The following ABCG1 variants were observed in gnomAD, a reference collection of about 807,000 sequenced individuals.
ABCG1 encodes the protein ATP binding cassette subfamily G member 1.
Under a neutral mutation model 69.2 loss-of-function variants are expected in ABCG1, and 29 were observed. The ratio of observed to expected loss-of-function variants is 0.42; its 90% CI spans 0.31 to 0.57. ABCG1 has a LOEUF of 0.57. ABCG1 is among the 20% of genes least tolerant of loss of function. The pLI is 0.15. For synonymous variants in ABCG1, 370 were observed against 374.8 expected (o/e 0.99, Z 0.15); for missense variants, 718 against 898.1 (o/e 0.80, Z 2.56).
chr21:42,247,183 C>A (rs1461858622), intron 2 of ABCG1, among the ~76,000 whole-genome samples: 2 of 152,132 alleles, frequency 1.3e-5, no homozygotes, highest in African/African-American at 2.4e-5. Context: ...GGGGAAAAAG[C>A]ATCTTGTCTT....
chr21:42,250,497 G>A lies in ABCG1; in HGVS notation c.287-20573G>A, dbSNP rs558770493. 2.6e-5 allele frequency among the ~76,000 whole-genome samples: 4 copies of A among 152,318 alleles called. No individual in the cohort carries two copies. In the East Asian group the frequency reaches 7.7e-4, roughly 29 times the overall value. On this transcript the variant is annotated intron_variant, in intron 2 of 14. Coordinates refer to ENST00000398449, the MANE Select transcript of ABCG1 (RefSeq NM_016818.3). ...TGCAGTGGTGCCCAAACGTGGAGGA[G>A]CACAGTCCAGCTAGCCTGTTGGAAG...
intron 1 of ABCG1, among the ~76,000 whole-genome samples, chr21:42,222,686 TCCCTGTTAGG>T (rs2067749118): frequency 6.6e-6 from 1 of 152,194 alleles, no homozygotes; most frequent in African/African-American, 2.4e-5. Flanking sequence ...AGCACCCCTG[TCCCTGTTAGG>T]GTTGTGGAGG....
intron 2 of ABCG1, among the ~76,000 whole-genome samples, chr21:42,209,962 G>A (rs2067573271): frequency 6.6e-6 from 1 of 152,220 alleles, no homozygotes; most frequent in African/African-American, 2.4e-5. Context: ...CACTTGGGAA[G>A]GGCCAATGAT....
At chr21:42,270,697 TGG>T (rs1201353887) in intron 2 of ABCG1, among the ~76,000 whole-genome samples, 4 of 152,218 alleles carry the variant, frequency 2.6e-5, no homozygotes, top group African/African-American at 9.6e-5. Flanking sequence ...AGCTCAGAGC[TGG>T]GTTCTGCCCA....
upstream of ABCG1, among the ~76,000 whole-genome samples, chr21:42,216,431 A>G (rs1292181455): frequency 1.3e-5 from 2 of 152,136 alleles, no homozygotes. Context: ...TTGGCTGGAC[A>G]CCCATGCCCA....
intron 1 of ABCG1, among the ~76,000 whole-genome samples, chr21:42,222,706 G>A (rs901397535): frequency 7.2e-5 from 11 of 152,174 alleles, no homozygotes; most frequent in African/African-American, 2.4e-4. Flanking sequence ...GGTTGTGGAG[G>A]TAATAAGAGG....
intron 2 of ABCG1, among the ~76,000 whole-genome samples, chr21:42,203,488 GC>G (rs1458896426): frequency 6.6e-6 from 1 of 151,854 alleles, no homozygotes; most frequent in Admixed American, 6.6e-5. Context: ...CTTTTTTTCT[GC>G]CCGTGGATAC....
Position 42,273,756 on chromosome 21 carries a change from G to T in ABCG1, c.537+321G>T, listed in dbSNP as rs1344741434. 6.6e-6 allele frequency among the ~76,000 whole-genome samples: 1 copy of T among 152,162 alleles called. No individual in the cohort carries two copies. Among genetic ancestry groups the T allele is most frequent in the Non-Finnish European group, 1.5e-5 (1 of 68,032 alleles). On this transcript the variant is annotated intron_variant, in intron 4 of 14. Coordinates refer to ENST00000398449, the MANE Select transcript of ABCG1 (RefSeq NM_016818.3). The surrounding 1 kb of genome is among the most constrained non-coding windows in gnomAD (Gnocchi z 5.3). ...GGGCAGCCACCATACTATTTCTCCT[G>T]CAGGCCAGTGCTTGGGATTCTCCTT...
At chr21:42,223,256 C>T (rs542361724) in intron 1 of ABCG1, among the ~76,000 whole-genome samples, 41 of 152,308 alleles carry the variant, frequency 2.7e-4, no homozygotes, top group African/African-American at 9.1e-4. Context: ...CAGAGGCCAC[C>T]AGGAGCCAGC....
chr21:42,206,813 T>C (rs1264607551), intron 2 of ABCG1: 1 of 152,114 alleles, frequency 6.6e-6, no homozygotes, highest in Non-Finnish European at 1.5e-5. Flanking sequence ...GTTATGTCTA[T>C]GAGTGACACA....
intron 1 of ABCG1, among the ~76,000 whole-genome samples, chr21:42,200,316 A>G (rs546190895): frequency 6.6e-6 from 1 of 152,166 alleles, no homozygotes; most frequent in Admixed American, 6.5e-5. Flanking sequence ...GGGTTTCTAG[A>G]TCCCTCCAGA....
At chr21:42,236,359 A>G (rs989308969) in intron 2 of ABCG1, among the ~76,000 whole-genome samples, 4 of 152,186 alleles carry the variant, frequency 2.6e-5, no homozygotes, top group African/African-American at 4.8e-5. Context: ...TGTGATAACA[A>G]ACATCATTTC....
chr21:42,201,059 CT>C (rs372339024), intron 1 of ABCG1, among the ~76,000 whole-genome samples: 3,425 of 149,258 alleles, frequency 0.023, 56 homozygotes, highest in Non-Finnish European at 0.033. Context: ...GCATATTGTG[CT>C]TTTTTTTTTC....
At chr21:42,217,354 G>A (rs998254667), upstream of ABCG1, among the ~76,000 whole-genome samples, 1 of 152,158 alleles carries the variant, frequency 6.6e-6, no homozygotes, top group South Asian at 2.1e-4. Context: ...CACATGGACA[G>A]TTCCTCCCCG....
chr21:42,253,049 C>T (rs1468943640), intron 2 of ABCG1, among the ~76,000 whole-genome samples: 4 of 152,142 alleles, frequency 2.6e-5, no homozygotes, highest in African/African-American at 9.7e-5. Context: ...CATTAGCACA[C>T]AGGGAGGGTC....
At position 42,276,874 on chromosome 21, in the gene ABCG1, T is replaced by G; in HGVS notation, c.538-21T>G. The G allele has an allele frequency of 2.5e-6, 4 of 1,613,996 alleles. No homozygotes were observed. The highest frequency in any genetic ancestry group is 3.4e-6 in the Non-Finnish European group (4 of 1,179,914). On this transcript the variant is annotated intron_variant, in intron 4 of 14. Transcript: ENST00000398449. This position sits in a 1 kb window ranked among gnomAD's most constrained non-coding sequence, Gnocchi z 5.3. ...GTGGCCGTCTGTTCTGCTTCCACAC[T>G]GTTGTCCTTGTCCCCTGCAGGTGTC...
intron 7 of ABCG1, among the ~76,000 whole-genome samples, chr21:42,285,132 G>C (rs2068915898): frequency 6.6e-6 from 1 of 152,116 alleles, no homozygotes; most frequent in African/African-American, 2.4e-5. Context: ...TTAAAATGGG[G>C]GGAGGGGGGA....
intron 2 of ABCG1, among the ~76,000 whole-genome samples, chr21:42,209,800 C>T (rs1382364603): frequency 1.3e-5 from 2 of 152,256 alleles, no homozygotes; most frequent in African/African-American, 2.4e-5. Flanking sequence ...ACCTCTCATC[C>T]TTGAAACAGT....
intron 2 of ABCG1, among the ~76,000 whole-genome samples, chr21:42,204,673 C>T (rs1263969065): frequency 6.6e-6 from 1 of 152,130 alleles, no homozygotes; most frequent in Non-Finnish European, 1.5e-5. Context: ...TATTTATATT[C>T]ATGAGGGCCA....
Sources: allele counts gnomAD v4.1 joint callset (sites outside exome capture counted in the v4.1 genomes callset), GRCh38; gene constraint gnomAD v4.1.1; non-coding constraint Gnocchi (gnomAD v3.1); transcripts MANE v1.5; gene names NCBI Gene and HGNC (gene_info 2026-07-23, HGNC 2026-07-21).